The following NCK2 variants were observed in gnomAD, a reference collection of about 807,000 sequenced individuals.
The protein encoded by NCK2 is NCK adaptor protein 2.
NCK2 carries 16 observed loss-of-function variants against 33.9 expected under a neutral mutation model. That is an observed-to-expected ratio of 0.47 (90% CI 0.32 to 0.72). The LOEUF (loss-of-function observed/expected upper bound fraction) is 0.72. Among genes scored for constraint, NCK2 ranks in the 30% least tolerant of loss-of-function variants. NCK2 has a pLI of 0.03. For synonymous variants in NCK2, 273 were observed against 239.9 expected (o/e 1.14, Z -1.27); for missense variants, 418 against 537.3 (o/e 0.78, Z 2.19).
At position 105,835,422 on chromosome 2, in the gene NCK2, TA is replaced by T. The variant is rs199651774; in HGVS notation, c.-17+18810del. ...ATATATATACGTGTATATATATATATATTTTTTTTTTGGTCAGCATTTTGAA... is the reference window on the plus strand; with the variant it reads ...ATATATATACGTGTATATATATATATTTTTTTTTTTGGTCAGCATTTTGAA... On this transcript the variant is annotated intron_variant, in intron 2 of 4. Transcript: ENST00000233154. Among the ~76,000 whole-genome samples the T allele has an allele frequency of 1.3e-3, 169 of 131,084 alleles. 5 individuals are homozygous for T. The highest frequency in any genetic ancestry group is 2.9e-3 in the Admixed American group (37 of 12,902). The allele number at this position is 131,084 out of a possible 152,430, so 86.0% of individuals were successfully genotyped here.
intron 4 of NCK2, among the ~76,000 whole-genome samples, chr2:105,884,286 T>A (rs965547418): frequency 6.6e-6 from 1 of 152,158 alleles, no homozygotes; most frequent in Non-Finnish European, 1.5e-5. Flanking sequence ...TCCTGCTCAT[T>A]TTGGCATTTC....
At chr2:105,813,993 A>G (rs1675387882) in intron 1 of NCK2, among the ~76,000 whole-genome samples, 1 of 152,214 alleles carries the variant, frequency 6.6e-6, no homozygotes, top group African/African-American at 2.4e-5. Context: ...TGGCTGTAGA[A>G]AATCCTTGAA....
At chr2:105,877,982 C>T (rs919916369) in intron 3 of NCK2, among the ~76,000 whole-genome samples, 7 of 152,208 alleles carry the variant, frequency 4.6e-5, no homozygotes, top group Admixed American at 3.9e-4. Context: ...AGACACCTGC[C>T]TCTTGAATTT....
chr2:105,874,088 T>C (rs1288622273), intron 3 of NCK2, among the ~76,000 whole-genome samples: 1 of 152,134 alleles, frequency 6.6e-6, no homozygotes, highest in African/African-American at 2.4e-5. Flanking sequence ...ATTAAGACAA[T>C]AGAACCATGA....
intron 1 of NCK2, among the ~76,000 whole-genome samples, chr2:105,801,015 A>G (rs1187355563): frequency 6.6e-6 from 1 of 152,186 alleles, no homozygotes; most frequent in Non-Finnish European, 1.5e-5. Flanking sequence ...AACGCAGAAA[A>G]AAGCAGAAGC....
intron 2 of NCK2, among the ~76,000 whole-genome samples, chr2:105,824,865 T>C (rs1675882119): frequency 1.3e-5 from 2 of 152,156 alleles, no homozygotes; most frequent in African/African-American, 4.8e-5. Flanking sequence ...TGGGAAAACA[T>C]GCTCAGCATT....
chr2:105,820,533 T>G (rs947591520), intron 2 of NCK2, among the ~76,000 whole-genome samples: 1 of 152,134 alleles, frequency 6.6e-6, no homozygotes, highest in Non-Finnish European at 1.5e-5. Flanking sequence ...GGTCTCCCCA[T>G]TGAAGTTAAG....
rs113711451 is a variant in NCK2, at chr2:105,807,251, G to T, written c.-200-9179G>T. 7.2e-3 allele frequency among the ~76,000 whole-genome samples: 1,093 copies of T among 152,264 alleles called. 20 individuals carry two copies. Among genetic ancestry groups the T allele is most frequent in the African/African-American group, 0.025 (1,046 of 41,558 alleles). ...CACCTGCGTGGGAAGGGCCGCCCTC[G>T]CAGACATCATGTTCTCTCTAAGATT... On this transcript the variant is annotated intron_variant, in intron 1 of 4. Transcript: ENST00000233154.
rs553869089 is a variant in NCK2 at position 105,814,036 on chromosome 2, A to G, written c.-200-2394A>G. ...GTGAGGGCCTTCTACAGTCCAAGTG[A>G]CCGTATAGGTGTTTATCTTTCAGGC... On this transcript the variant is annotated intron_variant, in intron 1 of 4. Coordinates refer to ENST00000233154, the MANE Select transcript of NCK2 (RefSeq NM_003581.5). Among the ~76,000 whole-genome samples, 5 of 152,314 alleles carry G rather than the reference A, an allele frequency of 3.3e-5. No individual in the cohort carries two copies. The East Asian group carries it at 9.6e-4, about 29-fold the overall frequency.
chr2:105,771,490 GA>G (rs1277739477), intron 1 of NCK2, among the ~76,000 whole-genome samples: 3 of 152,004 alleles, frequency 2.0e-5, no homozygotes, highest in Non-Finnish European at 2.9e-5. Flanking sequence ...CACTTGACCC[GA>G]GAGGTGAATG....
At chr2:105,821,483 CT>C in intron 2 of NCK2, among the ~76,000 whole-genome samples, 1 of 152,328 alleles carries the variant, frequency 6.6e-6, no homozygotes, top group African/African-American at 2.4e-5. Flanking sequence ...ATTGTTTCTT[CT>C]GTACAGTGTA....
intron 3 of NCK2, among the ~76,000 whole-genome samples, chr2:105,880,031 G>A (rs1030017952): frequency 1.1e-4 from 16 of 152,158 alleles, no homozygotes; most frequent in Admixed American, 9.2e-4. Context: ...CAGCTCTGGG[G>A]CTGACATGCT....
At chr2:105,871,797 GTTT>G (rs530278577) in intron 3 of NCK2, among the ~76,000 whole-genome samples, 72 of 152,230 alleles carry the variant, frequency 4.7e-4, no homozygotes, top group African/African-American at 1.7e-3. Context: ...GCCCGGCCTG[GTTT>G]TTGTTTTCTA....
chr2:105,809,725 A>T (rs1675218414), intron 1 of NCK2, among the ~76,000 whole-genome samples: 1 of 152,240 alleles, frequency 6.6e-6, no homozygotes, highest in Admixed American at 6.5e-5. Context: ...CTTATGACTT[A>T]TTCACAGAAT....
intron 1 of NCK2, among the ~76,000 whole-genome samples, chr2:105,791,411 G>C (rs957669301): frequency 6.6e-6 from 1 of 151,230 alleles, no homozygotes; most frequent in Non-Finnish European, 1.5e-5. Flanking sequence ...TTCACGATGG[G>C]AGGATATACG....
chr2:105,836,446 T>C (rs1007687582), intron 2 of NCK2, among the ~76,000 whole-genome samples: 1 of 152,126 alleles, frequency 6.6e-6, no homozygotes, highest in Non-Finnish European at 1.5e-5. Context: ...GGAGGCGTGG[T>C]GTGGCTTTAC....
intron 1 of NCK2, among the ~76,000 whole-genome samples, chr2:105,778,380 G>T (rs181276901): frequency 6.6e-6 from 1 of 152,328 alleles, no homozygotes; most frequent in East Asian, 1.9e-4. Context: ...GCCCAGTTTG[G>T]TCAGCTGCCC....
intron 3 of NCK2, among the ~76,000 whole-genome samples, chr2:105,876,051 A>G (rs1344049580): frequency 1.3e-5 from 2 of 152,158 alleles, no homozygotes; most frequent in Non-Finnish European, 2.9e-5. Flanking sequence ...AGATAAAGTC[A>G]TTACTTTGTG....
At chr2:105,855,529 A>ACC (rs986513577) in intron 3 of NCK2, 1 of 424,450 alleles carries the variant, frequency 2.4e-6, no homozygotes, top group African/African-American at 2.0e-5. Flanking sequence ...TGTGCTTGGG[A>ACC]CCCCTGCACA....
Sources: gnomAD v4.1 joint callset for allele counts (sites outside exome capture counted in the v4.1 genomes callset) on GRCh38, gnomAD v4.1.1 for gene constraint, MANE v1.5 for transcripts, NCBI Gene and HGNC (gene_info 2026-07-23, HGNC 2026-07-21) for gene names.